LARS2: variants seen among roughly 807,000 people sequenced by gnomAD.
LARS2 encodes leucine--tRNA ligase, mitochondrial.
LARS2 carries 81 observed loss-of-function variants against 116.6 expected under a neutral mutation model. The observed-to-expected ratio is 0.69, with a 90% confidence interval of 0.58 to 0.84. The LOEUF is 0.84. Ranked by LOEUF, LARS2 falls within the 40% of genes least tolerant of loss-of-function variation. The probability of loss-of-function intolerance (pLI) is 0.00; values close to 1 mark genes in which losing one functional copy is unlikely to be tolerated. For synonymous variants in LARS2, 396 were observed against 407.2 expected (o/e 0.97, Z 0.33); for missense variants, 968 against 1,114.5 (o/e 0.87, Z 1.87).
At chr3:45,396,483 G>A (rs927905038) in intron 3 of LARS2, among the ~76,000 whole-genome samples, 7 of 152,230 alleles carry the variant, frequency 4.6e-5, no homozygotes, top group Admixed American at 6.5e-5. Flanking sequence ...AGATCAGAAC[G>A]TGGTGTGTCT....
chr3:45,494,594 A>C (rs980136857), intron 13 of LARS2, among the ~76,000 whole-genome samples: 9 of 152,144 alleles, frequency 5.9e-5, no homozygotes, highest in African/African-American at 2.2e-4. Context: ...GGTCCTACCC[A>C]TCAGACAGAA....
At chr3:45,465,726 TAC>T (rs1307694209) in intron 8 of LARS2, among the ~76,000 whole-genome samples, 2 of 152,202 alleles carry the variant, frequency 1.3e-5, no homozygotes, top group East Asian at 3.8e-4. Flanking sequence ...TTCTAAATGG[TAC>T]AGAGACAGTA....
chr3:45,450,611 A>G (rs1198320344), intron 7 of LARS2, among the ~76,000 whole-genome samples: 1 of 152,196 alleles, frequency 6.6e-6, no homozygotes, highest in East Asian at 1.9e-4. Context: ...TTTTAAATCC[A>G]TTAATCCACT....
At chr3:45,464,237 G>T (rs1699385840) in intron 8 of LARS2, among the ~76,000 whole-genome samples, 2 of 152,182 alleles carry the variant, frequency 1.3e-5, no homozygotes, top group South Asian at 4.1e-4. Context: ...GAGAAGGGAA[G>T]TTTGTGCCAG....
chr3:45,399,463 G>GT (rs1698105177), intron 3 of LARS2, among the ~76,000 whole-genome samples: 1 of 143,374 alleles, frequency 7.0e-6, no homozygotes. Flanking sequence ...AAAGAGAAGT[G>GT]TTTTTTTGTT....
At chr3:45,443,244 A>G (rs1029831130) in intron 6 of LARS2, among the ~76,000 whole-genome samples, 2 of 152,272 alleles carry the variant, frequency 1.3e-5, no homozygotes, top group Non-Finnish European at 2.9e-5. Context: ...CAGTGAAAAT[A>G]TGAAAATAGA....
At chr3:45,540,895 C>T (rs1700785333) in intron 20 of LARS2, among the ~76,000 whole-genome samples, 1 of 152,108 alleles carries the variant, frequency 6.6e-6, no homozygotes, top group African/African-American at 2.4e-5. Flanking sequence ...AAGCAGTCCT[C>T]CTGCCTCAGC....
chr3:45,533,396 C>G (rs1471663506), intron 20 of LARS2, among the ~76,000 whole-genome samples: 1 of 152,082 alleles, frequency 6.6e-6, no homozygotes, highest in Non-Finnish European at 1.5e-5. Flanking sequence ...ATCCGCCCGC[C>G]TCGGCCTACC....
chr3:45,437,602 A>C (rs1047715934), intron 6 of LARS2, among the ~76,000 whole-genome samples: 1 of 152,224 alleles, frequency 6.6e-6, no homozygotes, highest in Admixed American at 6.5e-5. Flanking sequence ...AGACGTGGCT[A>C]TGTGGTCTAG....
At chr3:45,428,574 T>C (rs1257930574) in intron 6 of LARS2, among the ~76,000 whole-genome samples, 1 of 152,200 alleles carries the variant, frequency 6.6e-6, no homozygotes, top group Non-Finnish European at 1.5e-5. Context: ...TGCCAGTTCA[T>C]TGCTATTAAG....
rs139390563 is a variant in LARS2, at chr3:45,531,167, GTCT to G, written c.2404+7064_2404+7066del. ...AGTTAAGATTTATTGTGAGTTGATA[GTCT>G]TCTTAATGTTGTCAAATAAAGGTTA... On this transcript the variant is annotated intron_variant, in intron 20 of 21. Coordinates refer to ENST00000645846, the MANE Select transcript of LARS2 (RefSeq NM_015340.4). Among the ~76,000 whole-genome samples, 547 of 152,180 alleles carry G rather than the reference GTCT, an allele frequency of 3.6e-3. 3 individuals carry two copies. The highest frequency in any genetic ancestry group is 0.012 in the African/African-American group (508 of 41,510).
intron 17 of LARS2, among the ~76,000 whole-genome samples, 153 bp from the exon 18 acceptor site, chr3:45,517,750 G>A (rs1372276765): frequency 6.6e-6 from 1 of 152,216 alleles, no homozygotes; most frequent in Admixed American, 6.5e-5. Context: ...CTGAAGGCCA[G>A]GGAGGATCCT....
At chr3:45,519,336 A>C (rs1415146828) in intron 18 of LARS2, among the ~76,000 whole-genome samples, 1 of 151,482 alleles carries the variant, frequency 6.6e-6, no homozygotes, top group Non-Finnish European at 1.5e-5. Context: ...CTAAAAACAC[A>C]AAAAATTAGC....
intron 1 of LARS2, among the ~76,000 whole-genome samples, chr3:45,390,628 A>ATTT (rs1697924527): frequency 7.9e-6 from 1 of 126,356 alleles, no homozygotes. Flanking sequence ...GCCCATTTTT[A>ATTT]TTTTTATTAT....
chr3:45,485,115 T>G (rs1296243421), intron 10 of LARS2, among the ~76,000 whole-genome samples: 2 of 152,202 alleles, frequency 1.3e-5, no homozygotes, highest in Admixed American at 6.5e-5. Context: ...ACTTTTTTCT[T>G]TGTTGGATCC....
intron 5 of LARS2, among the ~76,000 whole-genome samples, 160 bp downstream of exon 5, chr3:45,417,733 G>T (rs1431775016): frequency 6.6e-6 from 1 of 152,048 alleles, no homozygotes; most frequent in Non-Finnish European, 1.5e-5. Flanking sequence ...TTAACATATT[G>T]TATTCTTATC....
chr3:45,437,502 T>G (rs372479293), intron 6 of LARS2, among the ~76,000 whole-genome samples: 1 of 152,086 alleles, frequency 6.6e-6, no homozygotes, highest in Non-Finnish European at 1.5e-5. Context: ...GAAAAAGGAA[T>G]TAGGAGAAGA....
rs1306687362 is a variant in LARS2, at chr3:45,432,718, A to G, written c.516+12989A>G. Among the ~76,000 whole-genome samples, 5 of 152,198 alleles carry G rather than the reference A, an allele frequency of 3.3e-5. No individual in the cohort carries two copies. In the East Asian group the frequency reaches 7.7e-4, roughly 23 times the overall value. On this transcript the variant is annotated intron_variant, in intron 6 of 21. Coordinates refer to ENST00000645846, the MANE Select transcript of LARS2 (RefSeq NM_015340.4). The stretch of plus-strand genomic sequence containing the variant: ...AATAAACAACTTTACCACTTATGGA[A>G]CTACAAAGAGAAGAACAAAGTAAAT...
intron 20 of LARS2, among the ~76,000 whole-genome samples, chr3:45,530,563 G>C (rs1700600063): frequency 6.6e-6 from 1 of 152,090 alleles, no homozygotes; most frequent in South Asian, 2.1e-4. Context: ...ATGACTTAGT[G>C]TGTCTAACAT....
Sources: allele counts gnomAD v4.1 joint callset (sites outside exome capture counted in the v4.1 genomes callset), GRCh38; gene constraint gnomAD v4.1.1; transcripts MANE v1.5; gene names NCBI Gene and HGNC (gene_info 2026-07-23, HGNC 2026-07-21).